ZNF273: variants seen among roughly 807,000 people sequenced by gnomAD.
ZNF273 encodes zinc finger protein 9.
Under a neutral mutation model 14.9 loss-of-function variants are expected in ZNF273, and 11 were observed. The ratio of observed to expected loss-of-function variants is 0.74; its 90% CI spans 0.46 to 1.22. The LOEUF (loss-of-function observed/expected upper bound fraction) is 1.22, where lower values mean the gene tolerates loss of function less well. Among genes scored for constraint, ZNF273 ranks in the 50% most tolerant of loss-of-function variants. The pLI is 0.00. For missense variants in ZNF273, 577 were observed against 660.6 expected (o/e 0.87, Z 1.39); for synonymous variants, 199 against 223.9 (o/e 0.89, Z 0.99).
intron 2 of ZNF273, among the ~76,000 whole-genome samples, chr7:64,917,970 A>C (rs1448620766): frequency 6.6e-6 from 1 of 152,198 alleles, no homozygotes; most frequent in Non-Finnish European, 1.5e-5. Flanking sequence ...CCACACCGTA[A>C]AATCTAATTG....
At chr7:64,893,723 C>T (rs940060800), downstream of ZNF273, 12 of 137,836 alleles carry the variant, frequency 8.7e-5, no homozygotes, top group African/African-American at 3.3e-4. Flanking sequence ...TTCCCCTTCC[C>T]TTCCCTTCCT....
chr7:64,895,565 C>A (rs1026466371), intron 3 of ZNF273, among the ~76,000 whole-genome samples: 2 of 152,062 alleles, frequency 1.3e-5, no homozygotes, highest in Non-Finnish European at 2.9e-5. Flanking sequence ...TCATACATTT[C>A]AAACGAAACC....
upstream of ZNF273, among the ~76,000 whole-genome samples, chr7:64,902,170 G>T (rs1476058275): frequency 6.7e-6 from 1 of 150,130 alleles, no homozygotes; most frequent in Non-Finnish European, 1.5e-5. Context: ...AATATATAAC[G>T]ATGAAATTGT....
chr7:64,927,203 C>T (rs1794806469), intron 3 of ZNF273, among the ~76,000 whole-genome samples: 1 of 152,204 alleles, frequency 6.6e-6, no homozygotes, highest in African/African-American at 2.4e-5. Flanking sequence ...AGGGATTCTC[C>T]TGCCTCAGCC....
At chr7:64,893,122 A>G (rs1792136693), downstream of ZNF273, among the ~76,000 whole-genome samples, 1 of 152,026 alleles carries the variant, frequency 6.6e-6, no homozygotes, top group South Asian at 2.1e-4. Flanking sequence ...GAAAAAAAAA[A>G]ATTTGTCTTC....
rs769491145 is a variant in ZNF273 at position 64,928,493 on chromosome 7, C to A, written c.1165C>A (p.Leu389Ile). The stretch of plus-strand genomic sequence containing the variant: ...CAAAGCTTTTAACCAGTCCTCAACC[C>A]TTACTAGACATAAGATAGTTCATAC... ...CGKAFNQSST[L>I]TRHKIVHTGE... Residue 389 changes from leucine (L) to isoleucine (I), a missense_variant, in exon 4 of 4, where the codon CTT (leucine) becomes ATT (isoleucine). Leu to Ile is a conservative substitution (Grantham distance 5, BLOSUM62 2). Around this residue, in one of 3 missense-constraint regions of ZNF273, gnomAD observed 411 missense variants for 440.4 expected, o/e 0.93. Transcript: ENST00000476120. 6 of 1,612,548 alleles carry A rather than the reference C, an allele frequency of 3.7e-6. No homozygotes were observed. In the East Asian group the frequency reaches 6.7e-5, roughly 18 times the overall value.
At chr7:64,887,368 C>T (rs889765077) in intron 1 of ZNF273, among the ~76,000 whole-genome samples, 1 of 152,164 alleles carries the variant, frequency 6.6e-6, no homozygotes, top group Non-Finnish European at 1.5e-5. Context: ...ACGTGGGTCT[C>T]CCTCCTTCCA....
intron 1 of ZNF273, among the ~76,000 whole-genome samples, chr7:64,914,851 GGT>G (rs34550769): frequency 0.92 from 138,005 of 150,620 alleles, 63,519 homozygotes; most frequent in South Asian, 0.97. Flanking sequence ...TCAAGATGCA[GGT>G]GTGTAATTAG....
downstream of ZNF273, chr7:64,931,091 A>T (rs1190606412): frequency 6.6e-6 from 1 of 152,190 alleles, no homozygotes; most frequent in Admixed American, 6.5e-5. Flanking sequence ...CATATATTTT[A>T]CTTTAAAGAT....
At chr7:64,886,903 T>A (rs1791615999) in intron 1 of ZNF273, among the ~76,000 whole-genome samples, 1 of 152,172 alleles carries the variant, frequency 6.6e-6, no homozygotes, top group Admixed American at 6.5e-5. Context: ...CTCCCAGAGA[T>A]GAGCATGGTC....
chr7:64,917,347 C>T (rs1408381131), intron 1 of ZNF273, among the ~76,000 whole-genome samples: 1 of 152,170 alleles, frequency 6.6e-6, no homozygotes, highest in Non-Finnish European at 1.5e-5. Flanking sequence ...ACTTTATTAT[C>T]TAGAAAAGTA....
At chr7:64,889,209 C>T (rs1170118409), downstream of ZNF273, 5 of 985,780 alleles carry the variant, frequency 5.1e-6, no homozygotes, top group African/African-American at 7.0e-5. This position sits in a 1 kb window ranked among gnomAD's most constrained non-coding sequence, Gnocchi z 4.2. Context: ...GGGTCACCGG[C>T]TTGTGGAGAG....
intron 1 of ZNF273, among the ~76,000 whole-genome samples, chr7:64,907,402 T>G (rs1236753539): frequency 6.6e-6 from 1 of 152,238 alleles, no homozygotes; most frequent in Non-Finnish European, 1.5e-5. Flanking sequence ...CCATTTGAGT[T>G]TTCCTGCGTT....
downstream of ZNF273, chr7:64,930,997 G>T (rs932726992): frequency 6.6e-6 from 1 of 152,020 alleles, no homozygotes; most frequent in Non-Finnish European, 1.5e-5. Flanking sequence ...TTAAAAATTT[G>T]TTATATATTT....
At chr7:64,899,910 G>T (rs1401984614), upstream of ZNF273, among the ~76,000 whole-genome samples, 4 of 151,060 alleles carry the variant, frequency 2.6e-5, no homozygotes, top group Non-Finnish European at 4.4e-5. Flanking sequence ...ACAGGCATGC[G>T]CCACCAAGCC....
rs200154438 is a variant in ZNF273, at chr7:64,903,325, C to T, written c.8C>T (p.Ser3Phe). 1.2e-6 allele frequency: 2 copies of T among 1,612,186 alleles called. No homozygotes were observed. Among genetic ancestry groups the T allele is most frequent in the African/African-American group, 2.7e-5 (2 of 74,880 alleles). The change falls in exon 1 of 4, where the codon TCT (serine) becomes TTT (phenylalanine). Residue 3 changes from serine (S) to phenylalanine (F), a missense_variant. This residue lies in a region of ZNF273 where 162 missense variants were observed against 203.5 expected (regional missense o/e 0.80). Transcript: ENST00000476120. The stretch of plus-strand genomic sequence containing the variant: ...TCTCGTCTTCACTGCTCTATGTCCT[C>T]TGCTCCTAGAGGTCCACCTTCTGTG... MS[S>F]APRGPPSVAP... is the part of the protein sequence containing the mutation.
downstream of ZNF273, among the ~76,000 whole-genome samples, chr7:64,933,935 A>G (rs544723370): frequency 1.3e-5 from 2 of 152,322 alleles, no homozygotes; most frequent in Admixed American, 6.5e-5. Context: ...CAGTATTAGC[A>G]TATACAAATA....
chr7:64,887,448 C>T (rs149417762), intron 1 of ZNF273, among the ~76,000 whole-genome samples: 101 of 152,260 alleles, frequency 6.6e-4, no homozygotes, highest in African/African-American at 2.2e-3. Flanking sequence ...GTGGAGAGGG[C>T]CAGTGTCCTC....
chr7:64,889,299 G>C, downstream of ZNF273: 2 of 945,312 alleles, frequency 2.1e-6, no homozygotes, highest in Non-Finnish European at 2.5e-6. This position sits in a 1 kb window ranked among gnomAD's most constrained non-coding sequence, Gnocchi z 4.2. Context: ...CCAGGCTCTC[G>C]CCCGCCGGTG....
Sources: allele counts gnomAD v4.1 joint callset (sites outside exome capture counted in the v4.1 genomes callset), GRCh38; gene constraint gnomAD v4.1.1; regional missense constraint gnomAD v4.1.1; non-coding constraint Gnocchi (gnomAD v3.1); transcripts MANE v1.5; gene names NCBI Gene and HGNC (gene_info 2026-07-23, HGNC 2026-07-21).